PRPF6: variants seen among roughly 807,000 people sequenced by gnomAD.
The protein encoded by PRPF6 is pre-mRNA-processing factor 6.
In PRPF6, 42 loss-of-function variants were observed where a neutral mutation model predicts 118.3. The ratio of observed to expected loss-of-function variants is 0.35; its 90% CI spans 0.28 to 0.46. PRPF6 has a LOEUF of 0.46. Ranked by LOEUF, PRPF6 falls within the 20% of genes least tolerant of loss-of-function variation. The probability of loss-of-function intolerance (pLI) is 1.00; values close to 1 mark genes in which losing one functional copy is unlikely to be tolerated. For synonymous variants in PRPF6, 481 were observed against 485.1 expected, an observed-to-expected ratio of 0.99 and a Z score of 0.11; for missense variants, 662 against 1,255.7, an observed-to-expected ratio of 0.53 and a Z score of 7.15.
In PRPF6 at chr20:63,999,955, C is replaced by CTTT. The variant is rs35446612; in HGVS notation, c.1023+207_1023+209dup. Reference sequence around the variant, plus strand: ...ATGTGGAGTGAAGGCTAATCCACCACTTTTTTTTTTTTTGGAGACGGAGTC... The same window carrying CTTT: ...ATGTGGAGTGAAGGCTAATCCACCACTTTTTTTTTTTTTTTTGGAGACGGAGTC... On this transcript the variant is annotated intron_variant, in intron 8 of 20. Transcript: ENST00000266079. 1.5e-3 allele frequency among the ~76,000 whole-genome samples: 212 copies of CTTT among 145,860 alleles called. 1 individual carries two copies. The highest frequency in any genetic ancestry group is 3.7e-3 in the African/African-American group (148 of 39,890).
chr20:63,995,591 CTCCTCCTCCTTCTTCTCCTTCTCCT>C lies in PRPF6; in HGVS notation c.771+111_771+135del. On this transcript the variant is annotated intron_variant, in intron 6 of 20. Coordinates refer to ENST00000266079, the MANE Select transcript of PRPF6 (RefSeq NM_012469.4). ...TCTCCTTTTTCTTCTCCTCCTTCTC[CTCCTCCTCCTTCTTCTCCTTCTCCT>C]TTTTTTTTTTTTGGCTTGATTTTTG... The C allele has an allele frequency of 5.5e-6, 7 of 1,268,780 alleles. No homozygotes were observed. In the South Asian group the frequency reaches 6.4e-5, roughly 12 times the overall value. 78.6% of individuals were successfully genotyped at this position (1,268,780 alleles called of 1,614,324 possible).
At chr20:64,001,929 C>T (rs1188090206) in intron 9 of PRPF6, among the ~76,000 whole-genome samples, 1 of 151,316 alleles carries the variant, frequency 6.6e-6, no homozygotes, top group Non-Finnish European at 1.5e-5. Context: ...GAACTGGGTC[C>T]AGAACGAGTG....
In PRPF6 at chr20:64,027,352, C is replaced by T. The variant is rs753239584; in HGVS notation, c.2205+194C>T. Among the ~76,000 whole-genome samples the T allele has an allele frequency of 4.6e-5, 7 of 152,194 alleles. No homozygotes were observed. The highest frequency in any genetic ancestry group is 1.0e-4 in the Non-Finnish European group (7 of 68,030). On this transcript the variant is annotated intron_variant, in intron 16 of 20. Transcript: ENST00000266079. The surrounding 1 kb of genome is among the most constrained non-coding windows in gnomAD (Gnocchi z 6.5). ...CTGTGCTTTTCCTTATATGAAGCTG[C>T]ACACACTGCTCAGAAGTGCAGAGTG...
At chr20:63,993,983 C>G (rs917234244) in intron 4 of PRPF6, among the ~76,000 whole-genome samples, 1 of 152,038 alleles carries the variant, frequency 6.6e-6, no homozygotes, top group Admixed American at 6.6e-5. Flanking sequence ...CTCCTGAACT[C>G]TAGTGATCTG....
At chr20:64,002,014 G>GTTTTTTTTT (rs386394238) in intron 9 of PRPF6, among the ~76,000 whole-genome samples, 104 of 83,262 alleles carry the variant, frequency 1.2e-3, no homozygotes, top group Non-Finnish European at 1.6e-3. Context: ...TTTTTTTCTG[G>GTTTTTTTTT]TTTTTTTTTT....
chr20:63,990,157 C>T (rs2059112236), intron 3 of PRPF6, among the ~76,000 whole-genome samples: 1 of 152,062 alleles, frequency 6.6e-6, no homozygotes, highest in Non-Finnish European at 1.5e-5. Flanking sequence ...CCCAGTCTTG[C>T]CACACACTTT....
At chr20:64,002,884 T>C (rs962101002) in intron 9 of PRPF6, among the ~76,000 whole-genome samples, 5 of 151,152 alleles carry the variant, frequency 3.3e-5, no homozygotes, top group African/African-American at 4.9e-5. Context: ...CCTCAAGTGA[T>C]CCACCCACCT....
Position 64,028,424 on chromosome 20 carries a change from G to A in PRPF6, c.2340-54G>A. 1 of 1,582,796 alleles carries A rather than the reference G, an allele frequency of 6.3e-7. No homozygotes were observed. The highest frequency in any genetic ancestry group is 8.7e-7 in the Non-Finnish European group (1 of 1,152,282). On this transcript the variant is annotated intron_variant, in intron 17 of 20. Transcript: ENST00000266079. This position sits in a 1 kb window ranked among gnomAD's most constrained non-coding sequence, Gnocchi z 6.5. ...AGACAAGGCTTCCCAGAAGCTACCA[G>A]AATATGTGCTGTTGGTAGACGGCTG...
chr20:64,032,807 G>C (rs1257940698), intron 20 of PRPF6, 34 bp from the exon 21 acceptor site: 1 of 1,583,622 alleles, frequency 6.3e-7, no homozygotes, highest in South Asian at 1.1e-5. Context: ...AGCGTGGGAG[G>C]ACCCCTGCCT....
chr20:64,003,578 A>G (rs1172397468), intron 9 of PRPF6, among the ~76,000 whole-genome samples: 1 of 152,116 alleles, frequency 6.6e-6, no homozygotes, highest in Non-Finnish European at 1.5e-5. Flanking sequence ...CTGCTCAGTG[A>G]ATGCTCAGAG....
chr20:64,026,069 G>A lies in PRPF6; in HGVS notation c.2028+11G>A. Reference sequence around the variant, plus strand: ...GCCCCCACCGCCCGGGTACGCAGTGGCAGGCAGGGCTGGGCCGTCTGGGGT... The same window carrying A: ...GCCCCCACCGCCCGGGTACGCAGTGACAGGCAGGGCTGGGCCGTCTGGGGT... On this transcript the variant is annotated intron_variant, in intron 15 of 20. Transcript: ENST00000266079. The surrounding 1 kb of genome is among the most constrained non-coding windows in gnomAD (Gnocchi z 4.4). 1 of 1,601,652 alleles carries A rather than the reference G, an allele frequency of 6.2e-7. No individual in the cohort carries two copies. The highest frequency in any genetic ancestry group is 8.5e-7 in the Non-Finnish European group (1 of 1,179,542).
At chr20:64,002,340 C>A (rs1209173088) in intron 9 of PRPF6, among the ~76,000 whole-genome samples, 1 of 126,290 alleles carries the variant, frequency 7.9e-6, no homozygotes, top group Non-Finnish European at 1.7e-5. Context: ...GGCTTCTATC[C>A]ATTTTTTTTT....
chr20:64,022,597 C>T (rs557342401), intron 12 of PRPF6, among the ~76,000 whole-genome samples, 160 bp from the exon 13 acceptor site: 27 of 152,210 alleles, frequency 1.8e-4, no homozygotes, highest in South Asian at 1.2e-3. Flanking sequence ...CGTGAGCCAC[C>T]GCACCTGGCC....
At chr20:64,024,832 A>T in intron 14 of PRPF6, 139 bp downstream of exon 14, 4 of 1,311,530 alleles carry the variant, frequency 3.0e-6, no homozygotes, top group Non-Finnish European at 4.2e-6. Context: ...GGGCTGCTCC[A>T]CAGGAGCAGG....
rs1408008728 is a variant in PRPF6 at position 63,988,888 on chromosome 20, GAAAA to G, written c.359+3866_359+3869del. On this transcript the variant is annotated intron_variant, in intron 3 of 20. Transcript: ENST00000266079. Reference sequence around the variant, plus strand: ...CGTCTCAAAAAAAAAAAAAGAAAAAGAAAAAATAATTCTAAAATGTACATGGAGC... The same window carrying G: ...CGTCTCAAAAAAAAAAAAAGAAAAAGAATAATTCTAAAATGTACATGGAGC... Among the ~76,000 whole-genome samples, 4 of 151,428 alleles carry G rather than the reference GAAAA, an allele frequency of 2.6e-5. No homozygotes were observed. The East Asian group carries it at 5.8e-4, about 22-fold the overall frequency.
Position 64,029,501 on chromosome 20 carries a change from G to T in PRPF6, c.2546+10G>T, listed in dbSNP as rs767061350. The T allele has an allele frequency of 1.9e-6, 3 of 1,611,950 alleles. No individual in the cohort carries two copies. The South Asian group carries it at 3.3e-5, about 18-fold the overall frequency. ...TCCTGGCCGTGGCCAAGTGAGTGGG[G>T]CCCCCACAGGATTGCTGAACCTCGG... On this transcript the variant is annotated intron_variant, in intron 19 of 20. Transcript: ENST00000266079. This position sits in a 1 kb window ranked among gnomAD's most constrained non-coding sequence, Gnocchi z 4.8.
chr20:64,011,248 A>AGTGTCCTCTCCTTTTTCTC lies in PRPF6; in HGVS notation c.1306-25_1306-7dup. ...TGGCCTGCAGCTGTCCCCCCAGCAC[A>AGTGTCCTCTCCTTTTTCTC]GTGTCCTCTCCTTTTTCTCGTGTCC... On this transcript the variant is annotated intron_variant, in intron 10 of 20. Transcript: ENST00000266079. This position sits in a 1 kb window ranked among gnomAD's most constrained non-coding sequence, Gnocchi z 6.7. The AGTGTCCTCTCCTTTTTCTC allele has an allele frequency of 6.2e-7, 1 of 1,601,414 alleles. No individual in the cohort carries two copies.
In PRPF6 at chr20:63,984,574, C is replaced by G. The variant is rs572878804; in HGVS notation, c.241-333C>G. On this transcript the variant is annotated intron_variant, in intron 2 of 20. Transcript: ENST00000266079. The stretch of plus-strand genomic sequence containing the variant: ...GCAGTTATTGAAACGAAGGAGTTAA[C>G]ATTGACACAGTACTATTAACTAATT... Among the ~76,000 whole-genome samples the G allele has an allele frequency of 1.4e-4, 22 of 152,308 alleles. 1 individual carries two copies. The highest frequency in any genetic ancestry group is 3.9e-4 in the Admixed American group (6 of 15,290).
At chr20:64,006,017 G>A (rs1230044410) in intron 9 of PRPF6, among the ~76,000 whole-genome samples, 2 of 152,288 alleles carry the variant, frequency 1.3e-5, no homozygotes, top group African/African-American at 2.4e-5. Flanking sequence ...CTGCAGATGG[G>A]GGCCACTGTG....
Sources: allele counts gnomAD v4.1 joint callset (sites outside exome capture counted in the v4.1 genomes callset), GRCh38; gene constraint gnomAD v4.1.1; non-coding constraint Gnocchi (gnomAD v3.1); transcripts MANE v1.5; gene names NCBI Gene and HGNC (gene_info 2026-07-23, HGNC 2026-07-21).